SSUH2: variants seen among roughly 807,000 people sequenced by gnomAD.
SSUH2 encodes the protein protein SSUH2 homolog.
A neutral mutation model predicts 55.3 loss-of-function variants in SSUH2; 47 were observed. That is an observed-to-expected ratio of 0.85 (90% CI 0.67 to 1.08). The LOEUF (loss-of-function observed/expected upper bound fraction) is 1.08, where lower values mean the gene tolerates loss of function less well. Ranked by LOEUF, SSUH2 falls within the 50% of genes least tolerant of loss-of-function variation. SSUH2 has a pLI of 0.00. For missense variants in SSUH2, 535 were observed against 490.7 expected, an observed-to-expected ratio of 1.09 and a Z score of -0.85; for synonymous variants, 212 against 191.5, an observed-to-expected ratio of 1.11 and a Z score of -0.89.
Position 8,676,789 on chromosome 3 carries a change from G to A in SSUH2, c.-753+417C>T, listed in dbSNP as rs1212386629. ...GATCTCAGGACCTCATCGCAGTGGGGGGAGGCACCCCCAGTGAGGCGGGGA... is the reference window on the plus strand; with the variant it reads ...GATCTCAGGACCTCATCGCAGTGGGAGGAGGCACCCCCAGTGAGGCGGGGA... On this transcript the variant is annotated intron_variant, in intron 3 of 18. Coordinates refer to the SSUH2 transcript ENST00000317371. Among the ~76,000 whole-genome samples the A allele has an allele frequency of 2.7e-5, 4 of 148,218 alleles. 1 individual carries two copies. The highest frequency in any genetic ancestry group is 1.0e-4 in the African/African-American group (4 of 38,466).
chr3:8,664,528 G>T (rs1464867081), intron 5 of SSUH2, among the ~76,000 whole-genome samples: 3 of 152,130 alleles, frequency 2.0e-5, no homozygotes, highest in Non-Finnish European at 2.9e-5. Flanking sequence ...AAAAGTGTAG[G>T]GGGGCACAAA....
chr3:8,639,999 C>T (rs1700570986), intron 1 of SSUH2: 2 of 985,426 alleles, frequency 2.0e-6, no homozygotes, highest in Non-Finnish European at 2.4e-6. Context: ...TTGAATTATA[C>T]TTGAGATGGT....
At chr3:8,633,636 C>T in intron 4 of SSUH2, 30 bp downstream of exon 4, 2 of 1,491,872 alleles carry the variant, frequency 1.3e-6, no homozygotes, top group South Asian at 1.4e-5. Flanking sequence ...GCCCCCCGGC[C>T]AAGGCCCCCC....
intron 4 of SSUH2, 33 bp downstream of exon 4, chr3:8,633,633 G>C: frequency 6.7e-7 from 1 of 1,485,336 alleles, no homozygotes; most frequent in South Asian, 1.4e-5. Flanking sequence ...CCAGCCCCCC[G>C]GCCAAGGCCC....
At chr3:8,634,664 T>C (rs1045722528) in intron 3 of SSUH2, 9 of 1,120,936 alleles carry the variant, frequency 8.0e-6, no homozygotes, top group African/African-American at 3.2e-5. Flanking sequence ...GGAAAGTGGG[T>C]GTCCATGGAG....
Position 8,619,873 on chromosome 3 carries a change from C to T in SSUH2, c.1123G>A (p.Val375Met), listed in dbSNP as rs199894321. The part of the protein sequence containing the change: ...PERYCCGCTI[V>M] Reference sequence around the variant, plus strand: ...CTGGGGACAGCCATGCTATGTCACACGATGGTACAGCCACAGCAATACCGC... The same window carrying T: ...CTGGGGACAGCCATGCTATGTCACATGATGGTACAGCCACAGCAATACCGC... The change falls in exon 12 of 12, where the codon GTG becomes ATG. Residue 375 changes from valine (V) to methionine (M), a missense_variant. By Grantham distance (21) the Val-to-Met change is conservative. Coordinates refer to ENST00000544814, the MANE Select transcript of SSUH2 (RefSeq NM_001256748.3). 16 of 1,613,386 alleles carry T rather than the reference C, an allele frequency of 9.9e-6. No homozygotes were observed. In the Admixed American group the frequency reaches 2.0e-4, roughly 20 times the overall value.
intron 3 of SSUH2, chr3:8,634,651 C>T: frequency 2.5e-6 from 3 of 1,198,912 alleles, no homozygotes; most frequent in Non-Finnish European, 3.3e-6. Flanking sequence ...TCTTCCTAAG[C>T]ATGGAAAGTG....
intron 5 of SSUH2, chr3:8,664,000 C>G (rs1384579141): frequency 1.7e-5 from 6 of 353,782 alleles, no homozygotes; most frequent in African/African-American, 8.6e-5. Flanking sequence ...AAGGGAAGTG[C>G]TGGGAGACCC....
At chr3:8,666,498 G>C (rs1054341141) in intron 5 of SSUH2, among the ~76,000 whole-genome samples, 3 of 152,154 alleles carry the variant, frequency 2.0e-5, no homozygotes, top group Non-Finnish European at 2.9e-5. Flanking sequence ...AAACAAGGAA[G>C]GGGGAAGAGC....
chr3:8,636,067 C>G (rs1699874034), intron 1 of SSUH2, among the ~76,000 whole-genome samples: 1 of 152,164 alleles, frequency 6.6e-6, no homozygotes, highest in Non-Finnish European at 1.5e-5. Context: ...TCAAGAATGC[C>G]AGCTCCTATT....
At chr3:8,671,354 G>A (rs1309952410) in intron 4 of SSUH2, among the ~76,000 whole-genome samples, 7 of 152,142 alleles carry the variant, frequency 4.6e-5, no homozygotes, top group African/African-American at 1.2e-4. Context: ...AGAATATGAC[G>A]ATAATATCAC....
chr3:8,636,582 T>A (rs1575161680), intron 1 of SSUH2, among the ~76,000 whole-genome samples: 1 of 152,110 alleles, frequency 6.6e-6, no homozygotes, highest in African/African-American at 2.4e-5. Context: ...TTATGCAGCT[T>A]CCTCCAGTGG....
At chr3:8,628,335 G>A (rs1239319475) in intron 7 of SSUH2, among the ~76,000 whole-genome samples, 3 of 152,156 alleles carry the variant, frequency 2.0e-5, no homozygotes, top group African/African-American at 4.8e-5. Flanking sequence ...GCCAAAGGAT[G>A]AGGCTCGAAT....
At chr3:8,633,407 A>T (rs1575128994) in intron 4 of SSUH2, among the ~76,000 whole-genome samples, 1 of 151,612 alleles carries the variant, frequency 6.6e-6, no homozygotes, top group Admixed American at 6.6e-5. Context: ...TGATCCACCC[A>T]CCTCGGCCTC....
chr3:8,681,099 C>T (rs1187703087), intron 1 of SSUH2, among the ~76,000 whole-genome samples: 1 of 100,126 alleles, frequency 1.0e-5, no homozygotes, highest in Non-Finnish European at 2.4e-5. Context: ...AGAGGCACCC[C>T]CGCGAGGCGG....
At chr3:8,670,388 T>C (rs1163693410) in intron 5 of SSUH2, among the ~76,000 whole-genome samples, 1 of 152,024 alleles carries the variant, frequency 6.6e-6, no homozygotes, top group Non-Finnish European at 1.5e-5. Context: ...TGTACACACA[T>C]GATGTACACC....
At chr3:8,665,979 T>C (rs1474530) in intron 5 of SSUH2, among the ~76,000 whole-genome samples, 125,431 of 152,014 alleles carry the variant, frequency 0.83, 52,165 homozygotes, top group Middle Eastern at 0.88. Context: ...TCAAGGAGAT[T>C]ATTTACTCCC....
chr3:8,664,547 G>C (rs1703805301), intron 5 of SSUH2, among the ~76,000 whole-genome samples: 1 of 152,140 alleles, frequency 6.6e-6, no homozygotes, highest in Non-Finnish European at 1.5e-5. Context: ...AAACAGCTTT[G>C]AACCAAGAAA....
intron 7 of SSUH2, chr3:8,629,353 C>A: frequency 2.8e-6 from 1 of 360,728 alleles, no homozygotes; most frequent in Non-Finnish European, 5.0e-6. Flanking sequence ...AAGAAGAACC[C>A]CAGGTCTTGG....
Sources: gnomAD v4.1 joint callset for allele counts (sites outside exome capture counted in the v4.1 genomes callset) on GRCh38, gnomAD v4.1.1 for gene constraint, MANE v1.5 for transcripts, NCBI Gene and HGNC (gene_info 2026-07-23, HGNC 2026-07-21) for gene names.